FGF14: variants seen among roughly 807,000 people sequenced by gnomAD.
FGF14 encodes fibroblast growth factor 14, also known as fibroblast growth factor homologous factor 4.
A neutral mutation model predicts 25.5 loss-of-function variants in FGF14; 5 were observed. The observed-to-expected ratio is 0.20, with a 90% CI of 0.10 to 0.41. FGF14 has a LOEUF of 0.41. Ranked by LOEUF, FGF14 falls within the 10% of genes least tolerant of loss-of-function variation. The probability of loss-of-function intolerance (pLI) is 1.00; values close to 1 mark genes in which losing one functional copy is unlikely to be tolerated. For missense variants in FGF14, 222 were observed against 320.1 expected, an observed-to-expected ratio of 0.69 and a Z score of 2.34; for synonymous variants, 138 against 118.3, an observed-to-expected ratio of 1.17 and a Z score of -1.08.
At chr13:102,142,276 C>A (rs1006271704) in intron 1 of FGF14, among the ~76,000 whole-genome samples, 2 of 152,034 alleles carry the variant, frequency 1.3e-5, no homozygotes, top group African/African-American at 4.8e-5. Flanking sequence ...TGCATCTTTT[C>A]TTAACAAATG....
At position 102,074,373 on chromosome 13, in the gene FGF14, C is replaced by A. The variant is rs146558671; in HGVS notation, c.209-199077G>T. ...GTTCCTGGGGGAAAAATATCGTATT[C>A]TTTCACCCAACTCCCTACCTGGCGA... On this transcript the variant is annotated intron_variant, in intron 1 of 4. Transcript: ENST00000376131. 1.8e-4 allele frequency among the ~76,000 whole-genome samples: 28 copies of A among 152,242 alleles called. 1 individual carries two copies. In the South Asian group the frequency reaches 3.5e-3, roughly 19 times the overall value.
intron 3 of FGF14, among the ~76,000 whole-genome samples, chr13:101,836,575 G>T (rs72662409): frequency 3.3e-5 from 5 of 152,056 alleles, no homozygotes; most frequent in African/African-American, 7.2e-5. Flanking sequence ...ATTCATCCTC[G>T]TATATCTAAC....
chr13:102,195,776 A>G (rs1235386123), intron 1 of FGF14, among the ~76,000 whole-genome samples: 1 of 146,842 alleles, frequency 6.8e-6, no homozygotes, highest in Non-Finnish European at 1.5e-5. Flanking sequence ...TGGGTGACGC[A>G]GTGAGACCCA....
At chr13:101,789,625 G>T (rs976958218) in intron 3 of FGF14, among the ~76,000 whole-genome samples, 2 of 152,046 alleles carry the variant, frequency 1.3e-5, no homozygotes, top group Non-Finnish European at 2.9e-5. Flanking sequence ...TGCACCTGAG[G>T]TTCATGGGTT....
At chr13:102,359,176 G>C (rs1222443403) in intron 1 of FGF14, among the ~76,000 whole-genome samples, 1 of 151,998 alleles carries the variant, frequency 6.6e-6, no homozygotes, top group Non-Finnish European at 1.5e-5. Context: ...CAGTGGGGGT[G>C]GGGGGAAGGA....
intron 1 of FGF14, among the ~76,000 whole-genome samples, chr13:102,348,389 A>G (rs1307785184): frequency 1.3e-5 from 2 of 152,222 alleles, no homozygotes; most frequent in African/African-American, 4.8e-5. Context: ...AAGAAAAAAC[A>G]GACAACCAGT....
At chr13:102,082,358 C>G (rs910018803) in intron 1 of FGF14, among the ~76,000 whole-genome samples, 1 of 151,856 alleles carries the variant, frequency 6.6e-6, no homozygotes, top group African/African-American at 2.4e-5. Flanking sequence ...GTATTCATTA[C>G]AGAAGAGAAA....
Position 101,916,631 on chromosome 13 carries a change from G to C in FGF14, c.15C>G (p.Ile5Met), listed in dbSNP as rs772003315. 6.3e-7 allele frequency: 1 copy of C among 1,574,974 alleles called. No homozygotes were observed. Among genetic ancestry groups the C allele is most frequent in the Non-Finnish European group, 8.6e-7 (1 of 1,157,566 alleles). The change falls in exon 1 of 5, where the codon ATC becomes ATG. Residue 5 changes from isoleucine (I) to methionine (M), a missense_variant. Ile to Met is a conservative substitution (Grantham distance 10, BLOSUM62 1). This residue lies in a region of FGF14 where 11 missense variants were observed against 26.6 expected (regional missense o/e 0.41). Transcript: ENST00000376143. ...GCTTCTGGCGGATCAAGCCGCTAGC[G>C]ATGGCCGCGGCCATGGTGGCCCCGG... The part of the protein sequence containing the change: MAAA[I>M]ASGLIRQKRQ...
chr13:102,173,447 T>G (rs2048326163), intron 1 of FGF14, among the ~76,000 whole-genome samples: 1 of 152,118 alleles, frequency 6.6e-6, no homozygotes, highest in Non-Finnish European at 1.5e-5. Context: ...AAAATAGAAC[T>G]GCCATGGGAT....
Position 102,264,392 on chromosome 13 carries a change from A to C in FGF14, c.208+137079T>G, listed in dbSNP as rs116807158. ...AAGCATGAAATATATAAAGCACGAA[A>C]ACTGGCCAAAATTAAAAGTTCTGAC... On this transcript the variant is annotated intron_variant, in intron 1 of 4. Coordinates refer to the FGF14 transcript ENST00000376131. Among the ~76,000 whole-genome samples, 121 of 152,238 alleles carry C rather than the reference A, an allele frequency of 7.9e-4. 1 individual carries two copies. Among genetic ancestry groups the C allele is most frequent in the African/African-American group, 2.7e-3 (113 of 41,556 alleles).
intron 2 of FGF14, among the ~76,000 whole-genome samples, chr13:101,870,971 A>ATACATAC (rs530929700): frequency 2.2e-4 from 31 of 141,778 alleles, no homozygotes; most frequent in Non-Finnish European, 3.4e-4. Flanking sequence ...TAAATAAATA[A>ATACATAC]ATAAATACAT....
intron 1 of FGF14, among the ~76,000 whole-genome samples, chr13:102,117,797 AAT>A (rs1277469552): frequency 6.6e-6 from 1 of 152,206 alleles, no homozygotes; most frequent in Non-Finnish European, 1.5e-5. Flanking sequence ...AAATAAGAAA[AAT>A]ATGTGTAAGT....
chr13:101,747,515 C>CAGGT (rs2036965500), intron 3 of FGF14, among the ~76,000 whole-genome samples: 1 of 152,002 alleles, frequency 6.6e-6, no homozygotes, highest in South Asian at 2.1e-4. Context: ...GACAAGACTG[C>CAGGT]AGGTAGACTA....
rs1050562365 is a variant in FGF14 at position 102,184,111 on chromosome 13, C to T, written c.208+217360G>A. ...ACTCAGGGGACTTGGTAATGGAGCC[C>T]CTGCTGTACTCGTAGACACACAGCT... On this transcript the variant is annotated intron_variant, in intron 1 of 4. Transcript: ENST00000376131. Among the ~76,000 whole-genome samples, 3 of 152,200 alleles carry T rather than the reference C, an allele frequency of 2.0e-5. No homozygotes were observed. The South Asian group carries it at 6.2e-4, about 32-fold the overall frequency.
At chr13:102,020,591 A>G (rs2040590444) in intron 1 of FGF14, among the ~76,000 whole-genome samples, 1 of 152,070 alleles carries the variant, frequency 6.6e-6, no homozygotes, top group Admixed American at 6.6e-5. Flanking sequence ...CAAAAGAGAG[A>G]GAGAGAAGAG....
At chr13:101,994,908 C>T (rs993551842) in intron 1 of FGF14, among the ~76,000 whole-genome samples, 1 of 152,018 alleles carries the variant, frequency 6.6e-6, no homozygotes, top group African/African-American at 2.4e-5. Flanking sequence ...TTAGGCGTTA[C>T]ATATGCATAC....
At chr13:102,182,550 A>C (rs540892852) in intron 1 of FGF14, among the ~76,000 whole-genome samples, 31 of 152,140 alleles carry the variant, frequency 2.0e-4, no homozygotes, top group African/African-American at 7.0e-4. Context: ...TTTTTACTTT[A>C]ATTTTGTTGA....
At chr13:102,164,996 G>C (rs2140629540) in intron 1 of FGF14, among the ~76,000 whole-genome samples, 1 of 152,194 alleles carries the variant, frequency 6.6e-6, no homozygotes, top group South Asian at 2.1e-4. Context: ...AGAATAGTGA[G>C]GGGATTTTTC....
At chr13:102,158,496 A>G (rs2047457572) in intron 1 of FGF14, among the ~76,000 whole-genome samples, 1 of 146,168 alleles carries the variant, frequency 6.8e-6, no homozygotes, top group Admixed American at 6.9e-5. Context: ...CAGGAAGGGG[A>G]ACATCACACA....
Sources: gnomAD v4.1 joint callset for allele counts (sites outside exome capture counted in the v4.1 genomes callset) on GRCh38, gnomAD v4.1.1 for gene constraint, gnomAD v4.1.1 regional missense constraint, MANE v1.5 for transcripts, NCBI Gene and HGNC (gene_info 2026-07-23, HGNC 2026-07-21) for gene names.